Variants in INVS observed in about 807,000 individuals in gnomAD.
INVS encodes the protein inversin.
A neutral mutation model predicts 108.8 loss-of-function variants in INVS; 86 were observed. The ratio of observed to expected loss-of-function variants is 0.79; its 90% CI spans 0.66 to 0.95. The LOEUF (loss-of-function observed/expected upper bound fraction) is 0.95, where lower values mean the gene tolerates loss of function less well. Ranked by LOEUF, INVS falls within the 40% of genes least tolerant of loss-of-function variation. The pLI is 0.00. For missense variants in INVS, 1,169 were observed against 1,297.4 expected, an observed-to-expected ratio of 0.90 and a Z score of 1.52; for synonymous variants, 455 against 473.5, an observed-to-expected ratio of 0.96 and a Z score of 0.51.
At chr9:100,161,388 A>AACAAAAAAAACAC (rs1554718617) in intron 3 of INVS, among the ~76,000 whole-genome samples, 3 of 139,046 alleles carry the variant, frequency 2.2e-5, no homozygotes, top group African/African-American at 8.8e-5. Context: ...AAAAAAAAAA[A>AACAAAAAAAACAC]AAAACCTCAT....
chr9:100,245,378 C>T (rs1319447567), intron 7 of INVS, among the ~76,000 whole-genome samples: 1 of 152,166 alleles, frequency 6.6e-6, no homozygotes, highest in East Asian at 1.9e-4. Context: ...CTCCCGGGTT[C>T]AATCAATTCC....
chr9:100,111,267 A>G (rs956530947), intron 2 of INVS, among the ~76,000 whole-genome samples: 1 of 152,280 alleles, frequency 6.6e-6, no homozygotes, highest in African/African-American at 2.4e-5. Flanking sequence ...GTGTTGCTGT[A>G]GCTATTGTGC....
chr9:100,189,106 C>CTTTTTTTTTTTTTTTTTTTTTTTTT (rs60762136), intron 3 of INVS, among the ~76,000 whole-genome samples: 14 of 69,558 alleles, frequency 2.0e-4, no homozygotes, highest in African/African-American at 8.1e-4. Context: ...TTTGCATCTT[C>CTTTTTTTTTTTTTTTTTTTTTTTTT]TTTTTTTTTT....
intron 3 of INVS, chr9:100,129,581 G>A: frequency 3.9e-6 from 2 of 516,588 alleles, no homozygotes; most frequent in South Asian, 3.2e-5. Context: ...TCATAACTAG[G>A]CATCAATTCT....
intron 16 of INVS, among the ~76,000 whole-genome samples, chr9:100,298,845 C>T (rs1054373202): frequency 6.6e-6 from 1 of 151,962 alleles, no homozygotes; most frequent in East Asian, 1.9e-4. Context: ...TAGAAACTTT[C>T]AAAGCAATCA....
chr9:100,301,010 G>T lies in INVS; in HGVS notation c.*336G>T. 3.2e-6 allele frequency: 1 copy of T among 309,564 alleles called. No homozygotes were observed. The highest frequency in any genetic ancestry group is 3.4e-5 in the South Asian group (1 of 29,206). 19.2% of individuals were successfully genotyped at this position (309,564 alleles called of 1,614,324 possible). On this transcript the variant is annotated 3_prime_UTR_variant, in exon 17 of 17. Coordinates refer to ENST00000262457, the MANE Select transcript of INVS (RefSeq NM_014425.5). ...AATCTAAGGAAAACTACGGCTGCTG[G>T]GTTGGGATTTCTGCCAGCTAGCTGG...
intron 3 of INVS, among the ~76,000 whole-genome samples, chr9:100,161,241 T>C (rs780600082): frequency 2.0e-5 from 3 of 151,364 alleles, no homozygotes; most frequent in African/African-American, 2.4e-5. Context: ...CTGGGTGTGG[T>C]GGTGGGCACC....
At chr9:100,213,088 T>C (rs1830883086) in intron 3 of INVS, among the ~76,000 whole-genome samples, 1 of 152,020 alleles carries the variant, frequency 6.6e-6, no homozygotes, top group South Asian at 2.1e-4. Flanking sequence ...CTGAGGTCTC[T>C]TTTTAGGGGT....
At chr9:100,156,943 T>TATATAC (rs1554718181) in intron 3 of INVS, among the ~76,000 whole-genome samples, 1 of 149,520 alleles carries the variant, frequency 6.7e-6, no homozygotes, top group Admixed American at 6.7e-5. Context: ...TATATATATA[T>TATATAC]ACACACACAC....
At chr9:100,239,966 C>G (rs1009424474) in intron 5 of INVS, 94 bp from the exon 6 acceptor site, 12 of 1,162,348 alleles carry the variant, frequency 1.0e-5, no homozygotes, top group African/African-American at 3.0e-5. Context: ...AAGACCCTGT[C>G]TCTAAAAAAG....
At chr9:100,178,566 A>G (rs1829786014) in intron 3 of INVS, among the ~76,000 whole-genome samples, 1 of 152,226 alleles carries the variant, frequency 6.6e-6, no homozygotes, top group African/African-American at 2.4e-5. Flanking sequence ...TTAATGAAAT[A>G]AAGTGTGAAG....
At chr9:100,247,870 A>G (rs925296760) in intron 8 of INVS, among the ~76,000 whole-genome samples, 3 of 152,034 alleles carry the variant, frequency 2.0e-5, no homozygotes, top group Non-Finnish European at 4.4e-5. Context: ...GTGCAGTGGC[A>G]TGATCTTGGC....
intron 2 of INVS, among the ~76,000 whole-genome samples, chr9:100,118,763 C>T (rs866535740): frequency 6.6e-6 from 1 of 151,998 alleles, no homozygotes; most frequent in Non-Finnish European, 1.5e-5. Context: ...CAGGTTCAAG[C>T]GATTCTCCTG....
intron 3 of INVS, among the ~76,000 whole-genome samples, chr9:100,153,122 G>A (rs918485610): frequency 1.5e-4 from 22 of 151,626 alleles, no homozygotes; most frequent in Admixed American, 1.3e-4. Flanking sequence ...TACCAAGAAG[G>A]TTTGCAGTGA....
intron 16 of INVS, among the ~76,000 whole-genome samples, chr9:100,300,155 T>TA (rs1833919920): frequency 6.6e-6 from 1 of 152,232 alleles, no homozygotes; most frequent in South Asian, 2.1e-4. Flanking sequence ...CCCATCAGCT[T>TA]ATCATTCATG....
rs1416436037 is a variant in INVS, at chr9:100,301,513, ATCT to A, written c.*844_*846del. ...TCTGACCAACTTGCAGAAGTGAGCA[ATCT>A]TCTTAAAATGCCATTTCTGTTGGCA... On this transcript the variant is annotated 3_prime_UTR_variant, in exon 17 of 17. Coordinates refer to ENST00000262457, the MANE Select transcript of INVS (RefSeq NM_014425.5). 3.9e-5 allele frequency among the ~76,000 whole-genome samples: 6 copies of A among 152,294 alleles called. No individual in the cohort carries two copies. The highest frequency in any genetic ancestry group is 5.9e-5 in the Non-Finnish European group (4 of 68,034).
intron 3 of INVS, among the ~76,000 whole-genome samples, chr9:100,210,754 A>G (rs1419045803): frequency 1.3e-5 from 2 of 152,188 alleles, no homozygotes; most frequent in Admixed American, 6.5e-5. Context: ...AATTACATCA[A>G]AAATAACCAT....
At chr9:100,216,779 C>T (rs1368270903) in intron 3 of INVS, among the ~76,000 whole-genome samples, 3 of 152,194 alleles carry the variant, frequency 2.0e-5, no homozygotes, top group Non-Finnish European at 4.4e-5. Context: ...GGTCATGTAC[C>T]ATTCCTTCTT....
chr9:100,259,563 T>C (rs975897518), intron 10 of INVS, among the ~76,000 whole-genome samples: 4 of 150,740 alleles, frequency 2.7e-5, no homozygotes, highest in Non-Finnish European at 5.9e-5. Flanking sequence ...GGGCCTTTTT[T>C]TTTTTTTTTT....
Sources: gnomAD v4.1 joint callset for allele counts (sites outside exome capture counted in the v4.1 genomes callset) on GRCh38, gnomAD v4.1.1 for gene constraint, MANE v1.5 for transcripts, NCBI Gene and HGNC (gene_info 2026-07-23, HGNC 2026-07-21) for gene names.